Variants in PLRG1 observed in about 807,000 individuals in gnomAD.
PLRG1 encodes pleiotropic regulator 1 (PRL1 homolog, Arabidopsis).
In PLRG1, 28 loss-of-function variants were observed where a neutral mutation model predicts 74.9. The observed-to-expected ratio is 0.37, with a 90% CI of 0.28 to 0.51. PLRG1 has a LOEUF of 0.51. Ranked by LOEUF, PLRG1 falls within the 20% of genes least tolerant of loss-of-function variation. The pLI is 0.91. For missense variants in PLRG1, 445 were observed against 631.9 expected (o/e 0.70, Z 3.17); for synonymous variants, 197 against 212.4 (o/e 0.93, Z 0.63).
chr4:154,546,943 T>A, intron 4 of PLRG1, 68 bp downstream of exon 4: 1 of 1,145,276 alleles, frequency 8.7e-7, no homozygotes, highest in Non-Finnish European at 1.3e-6. Context: ...AGAATCTCAT[T>A]ATTGGCTCGT....
intron 1 of PLRG1, chr4:154,549,144 AT>A (rs1373117429): frequency 1.8e-6 from 1 of 557,658 alleles, no homozygotes; most frequent in East Asian, 4.0e-5. Context: ...CAACTGAGTG[AT>A]GCCGGAGTTT....
chr4:154,549,970 C>T (rs902355037), intron 1 of PLRG1, among the ~76,000 whole-genome samples: 4 of 152,202 alleles, frequency 2.6e-5, no homozygotes, highest in African/African-American at 9.6e-5. Context: ...CACAGACTCA[C>T]TGACACTGCC....
chr4:154,538,246 A>G (rs544134148), intron 12 of PLRG1, 138 bp from the exon 13 acceptor site: 2 of 443,046 alleles, frequency 4.5e-6, no homozygotes, highest in East Asian at 6.6e-5. Context: ...TCGTATCAAA[A>G]TGTAAAAATA....
chr4:154,539,284 A>C, intron 11 of PLRG1, 71 bp from the exon 12 acceptor site: 1 of 928,222 alleles, frequency 1.1e-6, no homozygotes, highest in South Asian at 1.4e-5. Context: ...AATAAAATAC[A>C]AAGCATTCTT....
intron 1 of PLRG1, chr4:154,549,634 T>C (rs1438851708): frequency 2.2e-6 from 1 of 455,616 alleles, no homozygotes; most frequent in Admixed American, 2.4e-5. Context: ...CAGTAAAGGG[T>C]TTTAAACAAG....
At position 154,547,032 on chromosome 4, in the gene PLRG1, G is replaced by A; in HGVS notation, c.292C>T (p.His98Tyr). Residue 98 changes from histidine to tyrosine, a missense_variant, in exon 4 of 15, where the codon CAT becomes TAT. Physicochemically the swap from His to Tyr is moderately conservative, Grantham distance 83. Transcript: ENST00000499023. ...QEVEYFVAGT[H>Y]PYPPGPGVAL... The stretch of plus-strand genomic sequence containing the variant: ...TAACCAGGTCCTGGTGGGTATGGAT[G>A]TGTACCTGCCACAAAGTATTCAACT... The A allele has an allele frequency of 6.2e-7, 1 of 1,611,986 alleles. No individual in the cohort carries two copies. The highest frequency in any genetic ancestry group is 1.1e-5 in the South Asian group (1 of 91,030).
chr4:154,545,617 T>C (rs565327765), intron 6 of PLRG1, among the ~76,000 whole-genome samples: 46 of 152,284 alleles, frequency 3.0e-4, no homozygotes, highest in Middle Eastern at 3.4e-3. Flanking sequence ...CATCACATTA[T>C]CTTTATCAAA....
chr4:154,541,729 A>G (rs1344187144), intron 8 of PLRG1, among the ~76,000 whole-genome samples: 1 of 152,204 alleles, frequency 6.6e-6, no homozygotes, highest in Non-Finnish European at 1.5e-5. Flanking sequence ...AAAATTACAT[A>G]CTAAGAATGA....
intron 4 of PLRG1, 185 bp downstream of exon 4, chr4:154,546,826 T>C: frequency 1.7e-6 from 1 of 586,132 alleles, no homozygotes; most frequent in Non-Finnish European, 3.1e-6. Flanking sequence ...AAATTATACG[T>C]ACTTAAGAAT....
chr4:154,537,690 G>A (rs1729475687), intron 13 of PLRG1: 1 of 505,640 alleles, frequency 2.0e-6, no homozygotes. Context: ...CTGAAAATCT[G>A]ACATCCAATT....
At chr4:154,537,877 G>A in intron 13 of PLRG1, 92 bp downstream of exon 13, 1 of 719,706 alleles carries the variant, frequency 1.4e-6, no homozygotes, top group Non-Finnish European at 2.2e-6. Flanking sequence ...TAATACTTAA[G>A]TGTGACAGCT....
rs752534937 is a variant in PLRG1, at chr4:154,536,685, T to A, written c.1545A>T (p.Ter515TyrextTer1). 3 of 1,483,202 alleles carry A rather than the reference T, an allele frequency of 2.0e-6. No homozygotes were observed. In the South Asian group the frequency reaches 3.7e-5, roughly 18 times the overall value. The allele number at this position is 1,483,202 out of a possible 1,614,324, so 91.9% of individuals were successfully genotyped here. ...KPEIIKRKRF[*>Y] ...AGAGAGAGAAAAAATTCCACATTCA[T>A]TAAAATCTCTTTCTCTTGATAATTT... The change falls in exon 15 of 15, where the codon TAA (stop) becomes TAT (tyrosine). Residue 515 changes from the stop codon to tyrosine, a stop_lost. Transcript: ENST00000499023.
At chr4:154,542,576 A>G (rs1729573397) in intron 7 of PLRG1, among the ~76,000 whole-genome samples, 1 of 152,200 alleles carries the variant, frequency 6.6e-6, no homozygotes, top group Admixed American at 6.5e-5. Flanking sequence ...CAAAAAGTAC[A>G]TATTGTATGA....
chr4:154,535,326 G>A lies in PLRG1; in HGVS notation c.*1359C>T, dbSNP rs1180994133. 6.6e-6 allele frequency: 1 copy of A among 151,760 alleles called. No individual in the cohort carries two copies. The allele number at this position is 151,760 out of a possible 1,614,324, so 9.4% of individuals were successfully genotyped here. On this transcript the variant is annotated 3_prime_UTR_variant, in exon 15 of 15. Coordinates refer to ENST00000499023, the MANE Select transcript of PLRG1 (RefSeq NM_002669.4). ...AGTCCCTTACTGACAGGGCATTTGG[G>A]CTAGTTTTAAGTATTAAAGAACAAA...
At position 154,550,379 on chromosome 4, in the gene PLRG1, C is replaced by T. The variant is rs1729743989; in HGVS notation, c.-71G>A. Reference sequence around the variant, plus strand: ...ACTAACGCAGTACCCGCCGCCACAGCTGTGCAGCACCTTCCGGAATTGGGC... The same window carrying T: ...ACTAACGCAGTACCCGCCGCCACAGTTGTGCAGCACCTTCCGGAATTGGGC... On this transcript the variant is annotated 5_prime_UTR_variant, in exon 1 of 15. Transcript: ENST00000499023. 6 of 1,448,620 alleles carry T rather than the reference C, an allele frequency of 4.1e-6. No homozygotes were observed. The Middle Eastern group carries it at 5.3e-4, about 127-fold the overall frequency. The allele number at this position is 1,448,620 out of a possible 1,614,324, so 89.7% of individuals were successfully genotyped here.
intron 1 of PLRG1, 64 bp from the exon 2 acceptor site, chr4:154,548,999 G>T: frequency 1.1e-6 from 1 of 940,594 alleles, no homozygotes. Flanking sequence ...CCTAAAGTCA[G>T]ATTGATTATA....
chr4:154,541,121 T>G (rs1287773247), intron 8 of PLRG1, among the ~76,000 whole-genome samples, 187 bp from the exon 9 acceptor site: 1 of 152,104 alleles, frequency 6.6e-6, no homozygotes, highest in Non-Finnish European at 1.5e-5. Flanking sequence ...ATGCTCAAAC[T>G]GGAAAAATAT....
rs1729439526 is a variant in PLRG1 at position 154,535,923 on chromosome 4, T to C, written c.*762A>G. 1 of 152,210 alleles carries C rather than the reference T, an allele frequency of 6.6e-6. No individual in the cohort carries two copies. Among genetic ancestry groups the C allele is most frequent in the African/African-American group, 2.4e-5 (1 of 41,438 alleles). 9.4% of individuals were successfully genotyped at this position (152,210 alleles called of 1,614,324 possible). The stretch of plus-strand genomic sequence containing the variant: ...TATTCGACAGTAGCAGAACATTCTT[T>C]GTCCCAGAACACACCGCACACTTTC... On this transcript the variant is annotated 3_prime_UTR_variant, in exon 15 of 15. Transcript: ENST00000499023.
chr4:154,540,813 A>G lies in PLRG1; in HGVS notation c.809T>C (p.Val270Ala). Reference sequence around the variant, plus strand: ...ATTGTATTCGAGATCCCAGCATTTCACTTGTTTGTCTTCTCCACAAGAGAA... The same window carrying G: ...ATTGTATTCGAGATCCCAGCATTTCGCTTGTTTGTCTTCTCCACAAGAGAA... ...YLFSCGEDKQ[V>A]KCWDLEYNKV... Residue 270 changes from valine to alanine, a missense_variant, in exon 9 of 15, where the codon GTG becomes GCG. Physicochemically the swap from Val to Ala is moderately conservative, Grantham distance 64. Transcript: ENST00000499023. 1 of 1,613,686 alleles carries G rather than the reference A, an allele frequency of 6.2e-7. No individual in the cohort carries two copies. Among genetic ancestry groups the G allele is most frequent in the Non-Finnish European group, 8.5e-7 (1 of 1,179,672 alleles).
Sources: gnomAD v4.1 joint callset for allele counts (sites outside exome capture counted in the v4.1 genomes callset) on GRCh38, gnomAD v4.1.1 for gene constraint, MANE v1.5 for transcripts, NCBI Gene and HGNC (gene_info 2026-07-23, HGNC 2026-07-21) for gene names.